The following ANKS1B variants were observed in gnomAD, a reference collection of about 807,000 sequenced individuals.
The protein encoded by ANKS1B is ankyrin repeat and sterile alpha motif domain-containing protein 1B.
Under a neutral mutation model 148.3 loss-of-function variants are expected in ANKS1B, and 36 were observed. The ratio of observed to expected loss-of-function variants is 0.24; its 90% confidence interval spans 0.19 to 0.32. The LOEUF (loss-of-function observed/expected upper bound fraction) is 0.32. Ranked by LOEUF, ANKS1B falls within the 10% of genes least tolerant of loss-of-function variation. ANKS1B has a pLI of 1.00. For missense variants in ANKS1B, 1,157 were observed against 1,542.6 expected, an observed-to-expected ratio of 0.75 and a Z score of 4.19; for synonymous variants, 542 against 560.8, an observed-to-expected ratio of 0.97 and a Z score of 0.47.
chr12:99,087,647 T>C (rs1363254078), intron 15 of ANKS1B, among the ~76,000 whole-genome samples: 1 of 152,182 alleles, frequency 6.6e-6, no homozygotes, highest in Admixed American at 6.5e-5. Context: ...CTTTGAGGAG[T>C]TACCTGGCCC....
At chr12:99,134,986 TC>T (rs2067522473) in intron 15 of ANKS1B, among the ~76,000 whole-genome samples, 1 of 151,950 alleles carries the variant, frequency 6.6e-6, no homozygotes. Flanking sequence ...GCGACAAAGA[TC>T]AAATGGGAAA....
At chr12:98,827,760 A>G (rs2099261611) in intron 19 of ANKS1B, among the ~76,000 whole-genome samples, 1 of 152,164 alleles carries the variant, frequency 6.6e-6, no homozygotes, top group Admixed American at 6.6e-5. Flanking sequence ...ATAATAGCTA[A>G]TGCTCATTAA....
At chr12:99,152,082 C>G (rs1203330058) in intron 15 of ANKS1B, among the ~76,000 whole-genome samples, 1 of 152,040 alleles carries the variant, frequency 6.6e-6, no homozygotes, top group Non-Finnish European at 1.5e-5. Context: ...TTTCTTAGAG[C>G]AAGCCAATCA....
At chr12:99,437,906 TC>T (rs556199692) in intron 11 of ANKS1B, among the ~76,000 whole-genome samples, 220 of 152,076 alleles carry the variant, frequency 1.4e-3, no homozygotes, top group African/African-American at 4.9e-3. Flanking sequence ...TTCCCACTCT[TC>T]AATTCCTTTC....
chr12:99,331,610 C>T (rs550962681), intron 12 of ANKS1B, among the ~76,000 whole-genome samples: 4 of 151,980 alleles, frequency 2.6e-5, no homozygotes, highest in Non-Finnish European at 5.9e-5. Flanking sequence ...ACTTATCGAT[C>T]ACAGCATCAG....
intron 1 of ANKS1B, among the ~76,000 whole-genome samples, chr12:99,909,265 TGTACC>T (rs1369121352): frequency 7.9e-6 from 1 of 126,496 alleles, no homozygotes; most frequent in African/African-American, 2.9e-5. Flanking sequence ...TGTGTGTGTG[TGTACC>T]ACCATTTCTC....
At chr12:99,786,968 A>T (rs901666888) in intron 4 of ANKS1B, among the ~76,000 whole-genome samples, 2 of 152,240 alleles carry the variant, frequency 1.3e-5, no homozygotes, top group Non-Finnish European at 2.9e-5. Flanking sequence ...AAATAAGATG[A>T]AAGAACTAGA....
intron 9 of ANKS1B, among the ~76,000 whole-genome samples, chr12:99,636,668 A>G (rs888753249): frequency 6.6e-6 from 1 of 152,188 alleles, no homozygotes; most frequent in African/African-American, 2.4e-5. Flanking sequence ...ATGAGAACTG[A>G]AACAAGAAGG....
chr12:99,234,907 G>A (rs1181548223), intron 14 of ANKS1B, among the ~76,000 whole-genome samples: 3 of 152,078 alleles, frequency 2.0e-5, no homozygotes, highest in African/African-American at 4.8e-5. Context: ...CAGCAAAACT[G>A]TAATTCACAA....
At chr12:99,831,033 A>G (rs2083910198) in intron 1 of ANKS1B, among the ~76,000 whole-genome samples, 1 of 152,084 alleles carries the variant, frequency 6.6e-6, no homozygotes, top group Admixed American at 6.6e-5. Context: ...GGGACTTATC[A>G]CCATCTGGCA....
intron 21 of ANKS1B, 128 bp downstream of exon 21, chr12:98,800,869 A>T: frequency 8.3e-7 from 1 of 1,200,994 alleles, no homozygotes; most frequent in Non-Finnish European, 1.1e-6. Context: ...AAGTGAAGAG[A>T]AAAACATTTT....
intron 14 of ANKS1B, among the ~76,000 whole-genome samples, chr12:99,164,370 C>T (rs1027925229): frequency 1.3e-5 from 2 of 152,006 alleles, no homozygotes; most frequent in South Asian, 2.1e-4. Flanking sequence ...GACAATCATG[C>T]TTGATTTTAT....
At chr12:99,660,363 C>CTTTTTTTTTTTTTTTTT (rs71088137) in intron 8 of ANKS1B, among the ~76,000 whole-genome samples, 12 of 120,590 alleles carry the variant, frequency 1.0e-4, no homozygotes, top group East Asian at 2.4e-4. Flanking sequence ...TTTTCTTTTT[C>CTTTTTTTTTTTTTTTTT]TTTTTTTTTT....
At chr12:99,485,949 T>C (rs2096483195) in intron 10 of ANKS1B, among the ~76,000 whole-genome samples, 1 of 152,222 alleles carries the variant, frequency 6.6e-6, no homozygotes, top group Non-Finnish European at 1.5e-5. Context: ...CTTTAATTTC[T>C]CTATGAGGGT....
At position 99,350,575 on chromosome 12, in the gene ANKS1B, A is replaced by T. The variant is rs145688872; in HGVS notation, c.1756+49056T>A. ...TAGTAGTCCATATGAAAATAAAAACAAAAGCTAAAAAGTGGAAAACCATGA... is the reference window on the plus strand; with the variant it reads ...TAGTAGTCCATATGAAAATAAAAACTAAAGCTAAAAAGTGGAAAACCATGA... On this transcript the variant is annotated intron_variant, in intron 12 of 26. Coordinates refer to ENST00000683438, the MANE Select transcript of ANKS1B (RefSeq NM_001352186.2). 3.8e-3 allele frequency among the ~76,000 whole-genome samples: 581 copies of T among 152,218 alleles called. 7 individuals are homozygous for T. The highest frequency in any genetic ancestry group is 4.5e-3 in the Non-Finnish European group (306 of 67,962).
At chr12:98,846,056 T>C (rs538208389) in intron 17 of ANKS1B, among the ~76,000 whole-genome samples, 3 of 151,386 alleles carry the variant, frequency 2.0e-5, no homozygotes, top group Non-Finnish European at 4.4e-5. Context: ...TGTTCTTTCC[T>C]GCCTAAGGGT....
chr12:99,538,575 T>C (rs909317972), intron 9 of ANKS1B, among the ~76,000 whole-genome samples: 1 of 152,212 alleles, frequency 6.6e-6, no homozygotes, highest in African/African-American at 2.4e-5. Context: ...ACAGAAATGC[T>C]ACTGATTTTT....
chr12:99,754,112 A>T (rs1397054748), intron 8 of ANKS1B, among the ~76,000 whole-genome samples: 1 of 152,128 alleles, frequency 6.6e-6, no homozygotes, highest in Non-Finnish European at 1.5e-5. Context: ...CAAGAGACTC[A>T]TCTCACATGT....
intron 17 of ANKS1B, among the ~76,000 whole-genome samples, chr12:98,925,589 T>C (rs1334236164): frequency 6.6e-6 from 1 of 152,158 alleles, no homozygotes; most frequent in African/African-American, 2.4e-5. Flanking sequence ...TGAATCCCAG[T>C]AAAAACAGTG....
Sources: gnomAD v4.1 joint callset for allele counts (sites outside exome capture counted in the v4.1 genomes callset) on GRCh38, gnomAD v4.1.1 for gene constraint, MANE v1.5 for transcripts, NCBI Gene and HGNC (gene_info 2026-07-23, HGNC 2026-07-21) for gene names.